Variants in NAALADL2 observed in about 807,000 individuals in gnomAD.
NAALADL2 encodes the protein inactive N-acetylated-alpha-linked acidic dipeptidase-like protein 2.
Under a neutral mutation model 87.2 loss-of-function variants are expected in NAALADL2, and 76 were observed. The observed-to-expected ratio is 0.87, with a 90% CI of 0.72 to 1.05. NAALADL2 has a LOEUF of 1.05. Ranked by LOEUF, NAALADL2 falls within the 50% of genes least tolerant of loss-of-function variation. The probability of loss-of-function intolerance (pLI) is 0.00; values close to 1 mark genes in which losing one functional copy is unlikely to be tolerated. For synonymous variants in NAALADL2, 354 were observed against 331.0 expected (o/e 1.07, Z -0.75); for missense variants, 1,089 against 945.8 (o/e 1.15, Z -1.99).
chr3:175,308,061 T>C (rs554020028), intron 4 of NAALADL2, among the ~76,000 whole-genome samples: 2 of 152,334 alleles, frequency 1.3e-5, no homozygotes, highest in South Asian at 4.1e-4. Context: ...TCATTTTTGC[T>C]TAAATATTAT....
At position 174,859,377 on chromosome 3, in the gene NAALADL2, T is replaced by A. The variant is rs757458875; in HGVS notation, c.-31T>A. 1.3e-6 allele frequency: 2 copies of A among 1,581,862 alleles called. No homozygotes were observed. The highest frequency in any genetic ancestry group is 1.7e-6 in the Non-Finnish European group (2 of 1,157,160). ...CAGGGTAAGTGACACAACTTGAAAC[T>A]GCTTGGCCCTCTTTAAAAAGAAATA... On this transcript the variant is annotated 5_prime_UTR_variant, in exon 1 of 14. Transcript: ENST00000454872.
At chr3:175,244,038 C>T (rs953886334) in intron 3 of NAALADL2, among the ~76,000 whole-genome samples, 3 of 152,170 alleles carry the variant, frequency 2.0e-5, no homozygotes, top group Non-Finnish European at 2.9e-5. Context: ...ACTTTCAACA[C>T]AGCAACGATG....
intron 5 of NAALADL2, among the ~76,000 whole-genome samples, chr3:175,426,987 G>T (rs1716899553): frequency 6.6e-6 from 1 of 152,114 alleles, no homozygotes; most frequent in South Asian, 2.1e-4. Context: ...CATACGTAAT[G>T]AGTTTCTGTA....
At chr3:175,338,328 T>C (rs896484274) in intron 5 of NAALADL2, among the ~76,000 whole-genome samples, 6 of 152,016 alleles carry the variant, frequency 3.9e-5, no homozygotes, top group African/African-American at 1.4e-4. Flanking sequence ...GTTACCTCTT[T>C]TGTGAGTGAT....
chr3:174,546,312 A>T (rs780272857), intron 1 of NAALADL2, among the ~76,000 whole-genome samples: 11 of 152,114 alleles, frequency 7.2e-5, no homozygotes, highest in Non-Finnish European at 1.6e-4. Flanking sequence ...GGTATTCCCA[A>T]GTTTGAGATA....
chr3:175,456,977 A>G (rs998462307), intron 6 of NAALADL2, among the ~76,000 whole-genome samples: 16 of 152,004 alleles, frequency 1.1e-4, no homozygotes, highest in African/African-American at 3.9e-4. Context: ...ATCTGATGTT[A>G]TCTCATGAGG....
At chr3:174,705,369 G>A (rs1041891381) in intron 2 of NAALADL2, among the ~76,000 whole-genome samples, 7 of 152,318 alleles carry the variant, frequency 4.6e-5, no homozygotes, top group Middle Eastern at 3.4e-3. Flanking sequence ...ACCTGTGATA[G>A]TTATCTTCTG....
intron 2 of NAALADL2, among the ~76,000 whole-genome samples, chr3:174,564,608 T>A (rs1161757480): frequency 6.6e-6 from 1 of 152,174 alleles, no homozygotes; most frequent in Non-Finnish European, 1.5e-5. Context: ...TCAGTCTCTT[T>A]TAATGGTTTT....
At chr3:174,771,066 TGAATTTCTTC>T (rs1209054156) in intron 3 of NAALADL2, among the ~76,000 whole-genome samples, 1 of 152,146 alleles carries the variant, frequency 6.6e-6, no homozygotes, top group Non-Finnish European at 1.5e-5. Context: ...TCTGAATTAC[TGAATTTCTTC>T]GATGTTCAAA....
At chr3:174,597,695 A>G (rs1718050873) in intron 2 of NAALADL2, among the ~76,000 whole-genome samples, 2 of 152,194 alleles carry the variant, frequency 1.3e-5, no homozygotes, top group Non-Finnish European at 2.9e-5. Flanking sequence ...CTAGTTCTTG[A>G]TAAATGGAAT....
At chr3:174,873,494 C>A (rs1728116191) in intron 1 of NAALADL2, among the ~76,000 whole-genome samples, 2 of 152,024 alleles carry the variant, frequency 1.3e-5, no homozygotes, top group African/African-American at 4.8e-5. Flanking sequence ...ACCTTGCGAT[C>A]CACCCACCTT....
chr3:175,448,651 G>C (rs1721066179), intron 6 of NAALADL2, among the ~76,000 whole-genome samples: 1 of 152,090 alleles, frequency 6.6e-6, no homozygotes, highest in Non-Finnish European at 1.5e-5. Flanking sequence ...AAATAGTTGT[G>C]AGAATCAAAG....
chr3:175,743,171 T>C (rs1343601744), intron 12 of NAALADL2, among the ~76,000 whole-genome samples: 2 of 152,060 alleles, frequency 1.3e-5, no homozygotes, highest in Non-Finnish European at 2.9e-5. Flanking sequence ...CAGCTAATTT[T>C]TGTATTTTTA....
chr3:174,849,125 A>C (rs771195817), intron 3 of NAALADL2, among the ~76,000 whole-genome samples: 1 of 152,180 alleles, frequency 6.6e-6, no homozygotes, highest in African/African-American at 2.4e-5. Context: ...GTGAGTCAGT[A>C]AGTGTGTGGT....
chr3:175,012,235 G>A (rs1267645511), intron 1 of NAALADL2, among the ~76,000 whole-genome samples: 7 of 152,264 alleles, frequency 4.6e-5, no homozygotes, highest in Middle Eastern at 3.4e-3. Flanking sequence ...CCCAGTCTGG[G>A]CTCACTGCAA....
chr3:174,507,525 G>A (rs1406565768), intron 1 of NAALADL2, among the ~76,000 whole-genome samples: 1 of 151,986 alleles, frequency 6.6e-6, no homozygotes, highest in Non-Finnish European at 1.5e-5. Flanking sequence ...ATTCAATAGA[G>A]AATATTTCCT....
chr3:174,790,121 A>T (rs1381240119), intron 3 of NAALADL2, among the ~76,000 whole-genome samples: 1 of 152,174 alleles, frequency 6.6e-6, no homozygotes, highest in African/African-American at 2.4e-5. Context: ...TGAATCAACG[A>T]TGAAGTGGGG....
At chr3:175,096,494 G>A (rs1269028985) in intron 1 of NAALADL2, among the ~76,000 whole-genome samples, 5 of 110,076 alleles carry the variant, frequency 4.5e-5, no homozygotes. Flanking sequence ...GATTAATGGG[G>A]CGTGTGTGTG....
chr3:175,634,634 A>G (rs989521345), intron 11 of NAALADL2, among the ~76,000 whole-genome samples: 1 of 152,010 alleles, frequency 6.6e-6, no homozygotes, highest in Non-Finnish European at 1.5e-5. Context: ...AATGCTTAGA[A>G]AGCCTGGCTA....
Sources: allele counts gnomAD v4.1 joint callset (sites outside exome capture counted in the v4.1 genomes callset), GRCh38; gene constraint gnomAD v4.1.1; transcripts MANE v1.5; gene names NCBI Gene and HGNC (gene_info 2026-07-23, HGNC 2026-07-21).